Variants in ZC3H12B observed in about 807,000 individuals in gnomAD.
ZC3H12B encodes zinc finger CCCH-type containing 12B.
ZC3H12B carries 7 observed loss-of-function variants against 43.9 expected under a neutral mutation model. The observed-to-expected ratio is 0.16, with a 90% CI of 0.09 to 0.30. ZC3H12B has a LOEUF of 0.30. Among genes scored for constraint, ZC3H12B ranks in the 10% least tolerant of loss-of-function variants. The pLI is 1.00. For missense variants in ZC3H12B, 475 were observed against 670.2 expected (o/e 0.71, Z 3.22); for synonymous variants, 222 against 241.7 (o/e 0.92, Z 0.76).
the ZC3H12B span, among the ~76,000 whole-genome samples, chrX:65,329,667 G>T: frequency 6.3e-5 from 7 of 110,763 alleles, no homozygotes; most frequent in Non-Finnish European, 1.3e-4. Context: ...TTCTTCTAGG[G>T]TTTTTATGGT....
intron 3 of ZC3H12B, among the ~76,000 whole-genome samples, chrX:65,429,470 G>A (rs1386649798): frequency 1.8e-5 from 2 of 112,713 alleles, no homozygotes; most frequent in Non-Finnish European, 3.8e-5. Flanking sequence ...GCCCTGTCTG[G>A]GAGGTTCCAA....
chrX:65,176,743 C>T, the ZC3H12B span, among the ~76,000 whole-genome samples: 13,570 of 111,099 alleles, frequency 0.12, 2,018 homozygotes, highest in African/African-American at 0.41. Flanking sequence ...AGGTCAAATC[C>T]CTGAACAGAC....
chrX:65,137,350 TTAA>T, the ZC3H12B span, among the ~76,000 whole-genome samples: 2 of 112,215 alleles, frequency 1.8e-5, no homozygotes, highest in Non-Finnish European at 3.8e-5. Context: ...AAGGGAAAAA[TTAA>T]TAAAATTTCA....
chrX:65,293,132 G>T, the ZC3H12B span, among the ~76,000 whole-genome samples: 8 of 111,805 alleles, frequency 7.2e-5, no homozygotes, highest in East Asian at 5.6e-4. Context: ...AGCAGGTGAT[G>T]GTATCGACAG....
intron 3 of ZC3H12B, among the ~76,000 whole-genome samples, chrX:65,449,643 A>G (rs1432284378): frequency 9.0e-6 from 1 of 110,929 alleles, no homozygotes; most frequent in Non-Finnish European, 1.9e-5. Context: ...AAAAATTGAT[A>G]TGTCTACAAC....
chrX:65,293,542 G>A, the ZC3H12B span, among the ~76,000 whole-genome samples: 4 of 109,593 alleles, frequency 3.6e-5, no homozygotes, highest in Admixed American at 2.0e-4. Context: ...CAGAAGGTCA[G>A]TTATTAAGCT....
the ZC3H12B span, among the ~76,000 whole-genome samples, chrX:65,341,977 A>G: frequency 9.0e-6 from 1 of 111,326 alleles, no homozygotes; most frequent in African/African-American, 3.3e-5. Flanking sequence ...GGCTACCTGG[A>G]TAAAGAACCA....
Position 65,443,343 on chromosome X carries a change from C to A in ZC3H12B, n.407+44639C>A, listed in dbSNP as rs947487686. On this transcript the variant is annotated intron_variant and non_coding_transcript_variant, in intron 3 of 5. Coordinates refer to the ZC3H12B transcript ENST00000617377. ...AGCCCCCACGAATGGACGCCACTTG[C>A]CGAGACCAGCTCGGCTGGGGAGACC... Among the ~76,000 whole-genome samples, 20 of 110,948 alleles carry A rather than the reference C, an allele frequency of 1.8e-4. No homozygotes were observed. In the Admixed American group the frequency reaches 1.8e-3, roughly 10 times the overall value.
intron 2 of ZC3H12B, among the ~76,000 whole-genome samples, chrX:65,383,588 C>A (rs1179654868): frequency 2.9e-4 from 32 of 111,170 alleles, no homozygotes; most frequent in African/African-American, 9.8e-4. Flanking sequence ...GCAACAAAAG[C>A]CAAAATTGAC....
chrX:65,104,353 G>A, the ZC3H12B span, among the ~76,000 whole-genome samples: 5 of 111,804 alleles, frequency 4.5e-5, no homozygotes, highest in Non-Finnish European at 9.4e-5. Flanking sequence ...ATAGGCATGG[G>A]CAAAGACTTC....
intron 3 of ZC3H12B, among the ~76,000 whole-genome samples, chrX:65,418,034 G>A (rs2066980004): frequency 8.9e-6 from 1 of 111,885 alleles, no homozygotes; most frequent in South Asian, 3.7e-4. Context: ...AAGTCTTTTA[G>A]AATTTTATGA....
chrX:65,221,381 A>G, the ZC3H12B span, among the ~76,000 whole-genome samples: 6 of 111,847 alleles, frequency 5.4e-5, no homozygotes, highest in Non-Finnish European at 9.4e-5. Context: ...ACAAAAAACT[A>G]TACCAAAGAT....
At chrX:65,456,189 G>T (rs886272967) in intron 3 of ZC3H12B, among the ~76,000 whole-genome samples, 3 of 111,209 alleles carry the variant, frequency 2.7e-5, no homozygotes, top group East Asian at 5.7e-4. Flanking sequence ...TGGCAAACTG[G>T]ATAAAGAGTC....
At chrX:65,386,697 G>A (rs769596099) in intron 2 of ZC3H12B, among the ~76,000 whole-genome samples, 1 of 111,205 alleles carries the variant, frequency 9.0e-6, no homozygotes, top group Admixed American at 9.6e-5. Flanking sequence ...CCTTTTGAAC[G>A]TGTTTGCTCT....
upstream of ZC3H12B, among the ~76,000 whole-genome samples, chrX:65,488,490 G>A (rs963179075): frequency 9.1e-6 from 1 of 110,047 alleles, no homozygotes; most frequent in African/African-American, 3.3e-5. Flanking sequence ...ATAGAATTAG[G>A]GACTCTTTAT....
At chrX:65,375,657 T>G (rs1366853038) in intron 2 of ZC3H12B, among the ~76,000 whole-genome samples, 1 of 111,154 alleles carries the variant, frequency 9.0e-6, no homozygotes, top group East Asian at 2.9e-4. Flanking sequence ...TTGTAGGCCT[T>G]AGTTCCTGGA....
intron 3 of ZC3H12B, among the ~76,000 whole-genome samples, chrX:65,406,924 G>T (rs1385836208): frequency 8.9e-6 from 1 of 112,468 alleles, no homozygotes; most frequent in Non-Finnish European, 1.9e-5. Flanking sequence ...CGCCGGCAGA[G>T]TTTGCCCGCC....
chrX:65,432,504 A>T (rs2148111110), intron 3 of ZC3H12B, among the ~76,000 whole-genome samples: 1 of 111,956 alleles, frequency 8.9e-6, no homozygotes, highest in Admixed American at 9.5e-5. Context: ...ATTATGGCTC[A>T]TGTGGAAGAG....
chrX:65,269,306 C>T, the ZC3H12B span, among the ~76,000 whole-genome samples: 6 of 108,267 alleles, frequency 5.5e-5, no homozygotes, highest in Non-Finnish European at 1.1e-4. Context: ...GATTGCACCA[C>T]TGCACTCCAG....
Sources: allele counts gnomAD v4.1 joint callset (sites outside exome capture counted in the v4.1 genomes callset), GRCh38; gene constraint gnomAD v4.1.1; transcripts MANE v1.5; gene names NCBI Gene and HGNC (gene_info 2026-07-23, HGNC 2026-07-21).